Variants in KIFAP3 observed in about 807,000 individuals in gnomAD.
KIFAP3 encodes the protein kinesin associated protein 3, also known as kinesin-associated protein 3.
KIFAP3 carries 68 observed loss-of-function variants against 106.5 expected under a neutral mutation model. That is an observed-to-expected ratio of 0.64 (90% CI 0.53 to 0.78). The LOEUF is 0.78. KIFAP3 is among the 30% of genes least tolerant of loss of function. The pLI is 0.00. For missense variants in KIFAP3, 780 were observed against 941.8 expected, an observed-to-expected ratio of 0.83 and a Z score of 2.25; for synonymous variants, 320 against 311.5, an observed-to-expected ratio of 1.03 and a Z score of -0.29.
At chr1:169,956,035 G>T (rs998444486) in intron 18 of KIFAP3, among the ~76,000 whole-genome samples, 5 of 152,062 alleles carry the variant, frequency 3.3e-5, no homozygotes, top group Non-Finnish European at 7.4e-5. Flanking sequence ...TGTGAAAGTG[G>T]CTAAAACTAA....
At chr1:169,965,191 A>AT (rs910302062) in intron 17 of KIFAP3, among the ~76,000 whole-genome samples, 5 of 152,084 alleles carry the variant, frequency 3.3e-5, no homozygotes, top group South Asian at 2.1e-4. Flanking sequence ...TTTGAATGTT[A>AT]TTTTTTTAAA....
intron 16 of KIFAP3, among the ~76,000 whole-genome samples, chr1:169,974,848 T>C (rs1666142521): frequency 6.6e-6 from 1 of 152,022 alleles, no homozygotes; most frequent in South Asian, 2.1e-4. Context: ...TCTAAAATAA[T>C]CTAGACAAAT....
At chr1:170,030,466 C>T (rs1208879971) in intron 8 of KIFAP3, among the ~76,000 whole-genome samples, 1 of 151,744 alleles carries the variant, frequency 6.6e-6, no homozygotes, top group African/African-American at 2.4e-5. Context: ...TCAGCCATTC[C>T]ATCATTAGGT....
chr1:169,925,505 T>C (rs1433171312), intron 19 of KIFAP3, among the ~76,000 whole-genome samples: 2 of 151,782 alleles, frequency 1.3e-5, no homozygotes, highest in Admixed American at 1.3e-4. Context: ...TTTTTTTAAA[T>C]AAACAAATTT....
Position 169,944,750 on chromosome 1 carries a change from C to T in KIFAP3, c.2273+9261G>A, listed in dbSNP as rs139418106. Among the ~76,000 whole-genome samples the T allele has an allele frequency of 4.5e-3, 692 of 152,272 alleles. 1 individual carries two copies. Among genetic ancestry groups the T allele is most frequent in the Admixed American group, 7.6e-3 (117 of 15,308 alleles). On this transcript the variant is annotated intron_variant, in intron 19 of 19. Coordinates refer to ENST00000361580, the MANE Select transcript of KIFAP3 (RefSeq NM_014970.4). ...GTCCAGCTCTCAGCAGAGAGGAGAT[C>T]TGCAGTGGGTAGCTCCTTACAGCAA...
chr1:170,080,151 A>G (rs1428200874), intron 1 of KIFAP3, among the ~76,000 whole-genome samples: 1 of 152,122 alleles, frequency 6.6e-6, no homozygotes, highest in Non-Finnish European at 1.5e-5. Flanking sequence ...AATAAAATTT[A>G]TAAACACCAT....
chr1:170,053,499 C>T (rs1460662033), intron 2 of KIFAP3, among the ~76,000 whole-genome samples: 1 of 150,746 alleles, frequency 6.6e-6, no homozygotes, highest in East Asian at 1.9e-4. Context: ...TCATATGGAA[C>T]AAAAAAAGAG....
chr1:170,031,778 C>T (rs551924479), intron 8 of KIFAP3, 108 bp downstream of exon 8: 1 of 656,244 alleles, frequency 1.5e-6, no homozygotes, highest in Admixed American at 2.4e-5. Flanking sequence ...ATTTATAGAA[C>T]TTTCAGCTAT....
At chr1:170,039,417 T>A in intron 3 of KIFAP3, 129 bp from the exon 4 acceptor site, 1 of 560,828 alleles carries the variant, frequency 1.8e-6, no homozygotes, top group Admixed American at 2.9e-5. Flanking sequence ...TATGAAATAA[T>A]CTCTTCTCAA....
rs149165868 is a variant in KIFAP3 at position 169,964,116 on chromosome 1, G to C, written c.1984-2881C>G. Among the ~76,000 whole-genome samples the C allele has an allele frequency of 8.5e-3, 1,294 of 152,218 alleles. 12 individuals carry two copies. The highest frequency in any genetic ancestry group is 0.029 in the African/African-American group (1,186 of 41,526). On this transcript the variant is annotated intron_variant, in intron 17 of 19. Transcript: ENST00000361580. ...TGATGTGGTCACAGTGACTGAATGT[G>C]ATGGTAATTTATACAACCACCCAAT...
chr1:169,977,331 T>C (rs948262596), intron 16 of KIFAP3, among the ~76,000 whole-genome samples: 1 of 152,288 alleles, frequency 6.6e-6, no homozygotes, highest in Admixed American at 6.5e-5. Flanking sequence ...CAATATTGAG[T>C]ACCCTTTGGA....
intron 1 of KIFAP3, among the ~76,000 whole-genome samples, chr1:170,082,031 A>G (rs890746526): frequency 3.3e-5 from 5 of 152,218 alleles, no homozygotes; most frequent in African/African-American, 1.2e-4. Flanking sequence ...ACAGTTTTAT[A>G]GTTTCTTCAA....
At chr1:170,030,925 T>C (rs371916469) in intron 8 of KIFAP3, among the ~76,000 whole-genome samples, 1 of 151,838 alleles carries the variant, frequency 6.6e-6, no homozygotes, top group African/African-American at 2.4e-5. Context: ...TCAAATTATA[T>C]ACTTTAAAAC....
chr1:170,058,443 C>T (rs574835792), intron 1 of KIFAP3, among the ~76,000 whole-genome samples: 3 of 152,080 alleles, frequency 2.0e-5, no homozygotes, highest in Non-Finnish European at 4.4e-5. Flanking sequence ...GAAAAATACC[C>T]AATATATCAG....
chr1:170,058,269 C>T (rs1023820732), intron 1 of KIFAP3, among the ~76,000 whole-genome samples: 1 of 151,964 alleles, frequency 6.6e-6, no homozygotes, highest in African/African-American at 2.4e-5. Flanking sequence ...TTATTCTTTT[C>T]AAAAGGATTT....
chr1:169,994,219 C>T (rs1162679190), intron 10 of KIFAP3, among the ~76,000 whole-genome samples: 3 of 152,134 alleles, frequency 2.0e-5, no homozygotes, highest in Non-Finnish European at 4.4e-5. Flanking sequence ...TAAATACTTG[C>T]CACACAGCCT....
intron 15 of KIFAP3, among the ~76,000 whole-genome samples, chr1:169,979,851 C>T (rs1325218805): frequency 6.6e-6 from 1 of 151,676 alleles, no homozygotes; most frequent in Admixed American, 6.6e-5. Context: ...TTATAATAGT[C>T]CTCCCCCCCA....
Position 170,031,899 on chromosome 1 carries a change from T to C in KIFAP3, c.828A>G (p.Glu276=). 2 of 1,607,234 alleles carry C rather than the reference T, an allele frequency of 1.2e-6. No individual in the cohort carries two copies. The highest frequency in any genetic ancestry group is 1.7e-6 in the Non-Finnish European group (2 of 1,174,596). Residue 276 remains glutamate, a synonymous_variant, in exon 8 of 20, where the codon GAA becomes GAG. Coordinates refer to ENST00000361580, the MANE Select transcript of KIFAP3 (RefSeq NM_014970.4). ...KKYQGLVVKQ[E]QLLRVALYLL... is the part of the protein sequence containing the mutation. ...AGGAATTCATACCTCGTAATAGCTG[T>C]TCCTGTTTTACCACAAGCCCCTGGT...
At chr1:169,924,963 A>G (rs937020254) in intron 19 of KIFAP3, among the ~76,000 whole-genome samples, 15 of 152,202 alleles carry the variant, frequency 9.9e-5, no homozygotes, top group Non-Finnish European at 1.5e-5. Flanking sequence ...GAAGCAAGGA[A>G]AAGTAAGCTG....
Sources: gnomAD v4.1 joint callset for allele counts (sites outside exome capture counted in the v4.1 genomes callset) on GRCh38, gnomAD v4.1.1 for gene constraint, MANE v1.5 for transcripts, NCBI Gene and HGNC (gene_info 2026-07-23, HGNC 2026-07-21) for gene names.